WASF2: variants seen among roughly 807,000 people sequenced by gnomAD.
WASF2 encodes WASP family member 2, also known as actin-binding protein WASF2.
A neutral mutation model predicts 45.0 loss-of-function variants in WASF2; 14 were observed. That is an observed-to-expected ratio of 0.31 (90% CI 0.21 to 0.49). The LOEUF (loss-of-function observed/expected upper bound fraction) is 0.49, where lower values mean the gene tolerates loss of function less well. Among genes scored for constraint, WASF2 ranks in the 20% least tolerant of loss-of-function variants. The pLI is 0.99. For missense variants in WASF2, 439 were observed against 636.1 expected (o/e 0.69, Z 3.33); for synonymous variants, 200 against 236.3 (o/e 0.85, Z 1.41).
At chr1:27,444,322 C>T (rs2017285305) in intron 1 of WASF2, among the ~76,000 whole-genome samples, 1 of 152,138 alleles carries the variant, frequency 6.6e-6, no homozygotes, top group Admixed American at 6.6e-5. Flanking sequence ...TCAAGTGATC[C>T]TCCCACCTCA....
At chr1:27,471,360 A>G (rs1347548221) in intron 1 of WASF2, among the ~76,000 whole-genome samples, 2 of 151,450 alleles carry the variant, frequency 1.3e-5, no homozygotes, top group African/African-American at 4.9e-5. Context: ...AAAAAAAAAA[A>G]AAAAAGAGTA....
At chr1:27,419,725 A>G (rs2016880093) in intron 2 of WASF2, among the ~76,000 whole-genome samples, 2 of 152,212 alleles carry the variant, frequency 1.3e-5, no homozygotes, top group African/African-American at 4.8e-5. Context: ...CGTTCTACGT[A>G]TCTAAAATTA....
At position 27,408,330 on chromosome 1, in the gene WASF2, C is replaced by G; in HGVS notation, c.1356G>C (p.Arg452Ser). The part of the protein sequence containing the change: ...SAIRQGFQLR[R>S]VEEQREQEKR... ...TCTCTTGTTCCCGCTGCTCCTCAACCCTGCGCAGCTGAAAACCTAGTGGCA... is the reference window on the plus strand; with the variant it reads ...TCTCTTGTTCCCGCTGCTCCTCAACGCTGCGCAGCTGAAAACCTAGTGGCA... Residue 452 changes from arginine (R) to serine (S), a missense_variant, in exon 9 of 9, where the codon AGG becomes AGC. Physicochemically the swap from Arg to Ser is moderately radical, Grantham distance 110. Around this residue, in one of 5 missense-constraint regions of WASF2, gnomAD observed 286 missense variants for 373.5 expected, o/e 0.77. Coordinates refer to ENST00000618852, the MANE Select transcript of WASF2 (RefSeq NM_006990.5). 2.5e-6 allele frequency: 4 copies of G among 1,614,198 alleles called. No individual in the cohort carries two copies. Among genetic ancestry groups the G allele is most frequent in the Non-Finnish European group, 3.4e-6 (4 of 1,180,044 alleles).
intron 1 of WASF2, among the ~76,000 whole-genome samples, chr1:27,455,866 T>C (rs1234099870): frequency 6.6e-6 from 1 of 152,122 alleles, no homozygotes; most frequent in Non-Finnish European, 1.5e-5. Context: ...CATCCCATAT[T>C]ACAGTTGGAA....
chr1:27,423,262 A>G (rs776646415), intron 2 of WASF2, among the ~76,000 whole-genome samples: 1 of 151,938 alleles, frequency 6.6e-6, no homozygotes, highest in African/African-American at 2.4e-5. Context: ...CAATGGCACA[A>G]TCTCAGCTCA....
Position 27,425,074 on chromosome 1 carries a change from C to G in WASF2, c.130+3687G>C, listed in dbSNP as rs534485445. On this transcript the variant is annotated intron_variant, in intron 2 of 8. Transcript: ENST00000618852. The stretch of plus-strand genomic sequence containing the variant: ...AATTACTAGTAGCTGATAATTCATT[C>G]TTTTTTGCTTTCCTTTTTCATTTTA... 9.2e-5 allele frequency among the ~76,000 whole-genome samples: 14 copies of G among 152,264 alleles called. No homozygotes were observed. In the East Asian group the frequency reaches 2.7e-3, roughly 29 times the overall value.
intron 2 of WASF2, among the ~76,000 whole-genome samples, chr1:27,427,728 G>A (rs1326651450): frequency 6.6e-6 from 1 of 152,132 alleles, no homozygotes; most frequent in Non-Finnish European, 1.5e-5. Flanking sequence ...TTGCTATACG[G>A]GAGAATGCAG....
chr1:27,418,606 G>A (rs889353309), intron 3 of WASF2, among the ~76,000 whole-genome samples, 184 bp from the exon 4 acceptor site: 1 of 152,146 alleles, frequency 6.6e-6, no homozygotes, highest in Non-Finnish European at 1.5e-5. Context: ...GTCGTTTCAC[G>A]ACTGAACAAA....
chr1:27,464,150 C>T (rs1487400722), intron 1 of WASF2, among the ~76,000 whole-genome samples: 1 of 151,846 alleles, frequency 6.6e-6, no homozygotes, highest in Non-Finnish European at 1.5e-5. Flanking sequence ...GAGGCCGAGG[C>T]GGGTGGATTG....
chr1:27,487,427 T>A (rs1261760736), intron 1 of WASF2, among the ~76,000 whole-genome samples: 1 of 128,216 alleles, frequency 7.8e-6, no homozygotes, highest in African/African-American at 2.9e-5. Flanking sequence ...TAAATATATA[T>A]ATTTAATATA....
At chr1:27,486,099 C>T (rs956692704) in intron 1 of WASF2, among the ~76,000 whole-genome samples, 6 of 152,164 alleles carry the variant, frequency 3.9e-5, no homozygotes, top group Admixed American at 6.5e-5. Context: ...TTTCATTATT[C>T]ATTTGGAGGC....
chr1:27,486,457 T>A (rs2017925397), intron 1 of WASF2, among the ~76,000 whole-genome samples: 1 of 152,142 alleles, frequency 6.6e-6, no homozygotes, highest in Admixed American at 6.6e-5. Flanking sequence ...TCACGTGCAA[T>A]AAATTCAGTG....
chr1:27,450,403 A>C (rs1362473598), intron 1 of WASF2, among the ~76,000 whole-genome samples: 2 of 152,192 alleles, frequency 1.3e-5, no homozygotes, highest in African/African-American at 4.8e-5. Flanking sequence ...AAGACCCTGA[A>C]TCTCCCAAAC....
chr1:27,459,837 A>G (rs2017521231), intron 1 of WASF2, among the ~76,000 whole-genome samples: 1 of 152,228 alleles, frequency 6.6e-6, no homozygotes, highest in Non-Finnish European at 1.5e-5. Flanking sequence ...TAAGGAAGCA[A>G]AAAGGTAGTT....
At chr1:27,448,617 G>A (rs1234150738) in intron 1 of WASF2, among the ~76,000 whole-genome samples, 2 of 151,852 alleles carry the variant, frequency 1.3e-5, no homozygotes, top group African/African-American at 2.4e-5. Context: ...TTGGGAGGCC[G>A]AGGTGGGTGG....
At chr1:27,489,546 G>A (rs1171636727) in intron 1 of WASF2, among the ~76,000 whole-genome samples, 22 of 151,986 alleles carry the variant, frequency 1.4e-4, no homozygotes, top group Non-Finnish European at 1.5e-5. Context: ...ATGGTCCAGA[G>A]ATGGAAACTG....
At chr1:27,479,358 T>C (rs1045143063) in intron 1 of WASF2, among the ~76,000 whole-genome samples, 3 of 151,208 alleles carry the variant, frequency 2.0e-5, no homozygotes, top group Non-Finnish European at 1.5e-5. Context: ...GAGGCTAAGG[T>C]GGGAGGATCA....
intron 1 of WASF2, among the ~76,000 whole-genome samples, chr1:27,480,028 T>C (rs1233242785): frequency 6.6e-6 from 1 of 152,206 alleles, no homozygotes; most frequent in African/African-American, 2.4e-5. Flanking sequence ...AGTCTTATAA[T>C]TCTCATAATT....
intron 1 of WASF2, among the ~76,000 whole-genome samples, chr1:27,443,591 C>A (rs2017273239): frequency 6.6e-6 from 1 of 151,684 alleles, no homozygotes; most frequent in African/African-American, 2.4e-5. Flanking sequence ...CCAGCCCGGG[C>A]AACAAGAGCA....
Sources: allele counts gnomAD v4.1 joint callset (sites outside exome capture counted in the v4.1 genomes callset), GRCh38; gene constraint gnomAD v4.1.1; regional missense constraint gnomAD v4.1.1; transcripts MANE v1.5; gene names NCBI Gene and HGNC (gene_info 2026-07-23, HGNC 2026-07-21).